IPO11: variants seen among roughly 807,000 people sequenced by gnomAD.
IPO11 encodes importin 11.
IPO11 carries 66 observed loss-of-function variants against 143.2 expected under a neutral mutation model. That is an observed-to-expected ratio of 0.46 (90% CI 0.38 to 0.57). The LOEUF (loss-of-function observed/expected upper bound fraction) is 0.57, where lower values mean the gene tolerates loss of function less well. IPO11 is among the 20% of genes least tolerant of loss of function. The pLI is 0.00. For missense variants in IPO11, 1,026 were observed against 1,141.0 expected (o/e 0.90, Z 1.45); for synonymous variants, 385 against 377.8 (o/e 1.02, Z -0.22).
chr5:62,489,150 T>C (rs1746515508), intron 13 of IPO11, 152 bp from the exon 14 acceptor site: 2 of 454,208 alleles, frequency 4.4e-6, no homozygotes, highest in South Asian at 4.5e-5. Flanking sequence ...AAACTTAGAC[T>C]TTCCCTTTGT....
chr5:62,596,859 T>G (rs557481743), intron 28 of IPO11, among the ~76,000 whole-genome samples: 49 of 152,300 alleles, frequency 3.2e-4, no homozygotes, highest in African/African-American at 1.1e-3. Context: ...ACACCAGCTT[T>G]CTCTCTTGTC....
intron 1 of IPO11, among the ~76,000 whole-genome samples, chr5:62,414,560 GCTGA>G (rs774225714): frequency 3.2e-4 from 48 of 152,250 alleles, no homozygotes; most frequent in African/African-American, 1.1e-3. Flanking sequence ...TGTTTGGTTT[GCTGA>G]CTATCAGACT....
intron 5 of IPO11, among the ~76,000 whole-genome samples, chr5:62,456,199 A>G (rs964626820): frequency 1.1e-4 from 17 of 151,786 alleles, no homozygotes; most frequent in African/African-American, 3.9e-4. Flanking sequence ...TTTGGTAGAG[A>G]TGGGGTTTTG....
chr5:62,458,608 G>A (rs1002396816), intron 5 of IPO11, among the ~76,000 whole-genome samples: 6 of 152,148 alleles, frequency 3.9e-5, no homozygotes, highest in Non-Finnish European at 8.8e-5. Flanking sequence ...GCCTATATTG[G>A]CTTTTTAAGT....
chr5:62,516,684 C>T (rs935189828), intron 20 of IPO11, among the ~76,000 whole-genome samples: 2 of 152,114 alleles, frequency 1.3e-5, no homozygotes, highest in Non-Finnish European at 2.9e-5. Context: ...TTTTAATGTA[C>T]ATTTCCCTGC....
intron 20 of IPO11, among the ~76,000 whole-genome samples, chr5:62,520,175 C>T (rs1476640931): frequency 6.6e-6 from 1 of 152,164 alleles, no homozygotes; most frequent in Non-Finnish European, 1.5e-5. Flanking sequence ...ATTATTTCTT[C>T]GCAGTAGTAC....
At position 62,470,816 on chromosome 5, in the gene IPO11, C is replaced by CTTTTTTTTTTTTTTTTTT. The variant is rs70981015; in HGVS notation, c.708+520_708+537dup. ...TTCATTGTCTGTAGATAGCCATCTT[C>CTTTTTTTTTTTTTTTTTT]TTTTTTTTTTTTTTTTTTTTTTTTT... On this transcript the variant is annotated intron_variant, in intron 7 of 29. Transcript: ENST00000325324. Among the ~76,000 whole-genome samples, 52 of 62,560 alleles carry CTTTTTTTTTTTTTTTTTT rather than the reference C, an allele frequency of 8.3e-4. 10 individuals are homozygous for CTTTTTTTTTTTTTTTTTT. The highest frequency in any genetic ancestry group is 2.1e-3 in the East Asian group (3 of 1,418). 41.0% of individuals were successfully genotyped at this position (62,560 alleles called of 152,430 possible).
intron 5 of IPO11, among the ~76,000 whole-genome samples, chr5:62,452,435 G>A (rs1053998100): frequency 6.6e-6 from 1 of 150,940 alleles, no homozygotes; most frequent in Non-Finnish European, 1.5e-5. Flanking sequence ...CTGAAGGCAA[G>A]GAGGTCAGTT....
intron 22 of IPO11, among the ~76,000 whole-genome samples, chr5:62,533,208 CTTTCTTCTTTTTT>C (rs1484942186): frequency 8.6e-6 from 1 of 116,582 alleles, no homozygotes; most frequent in Non-Finnish European, 1.7e-5. Flanking sequence ...TTCTTTCTTT[CTTTCTTCTTTTTT>C]TTTTTTTGAG....
chr5:62,560,945 A>C (rs1580325947), intron 26 of IPO11, 191 bp from the exon 27 acceptor site: 1 of 422,894 alleles, frequency 2.4e-6, no homozygotes, highest in East Asian at 3.9e-5. Flanking sequence ...GATTAATTAG[A>C]GTCAGTTTCT....
intron 27 of IPO11, among the ~76,000 whole-genome samples, chr5:62,583,208 T>C (rs1164099632): frequency 6.6e-6 from 1 of 152,188 alleles, no homozygotes; most frequent in Non-Finnish European, 1.5e-5. Flanking sequence ...AATCCAATTA[T>C]GTTTTTTCTT....
At chr5:62,602,063 A>G (rs1479361115) in intron 29 of IPO11, among the ~76,000 whole-genome samples, 3 of 152,182 alleles carry the variant, frequency 2.0e-5, no homozygotes, top group Non-Finnish European at 4.4e-5. Context: ...ACTGTTGCTT[A>G]TCTTAGTGCA....
intron 27 of IPO11, among the ~76,000 whole-genome samples, chr5:62,574,447 C>T (rs1188612540): frequency 1.3e-5 from 2 of 152,150 alleles, no homozygotes; most frequent in East Asian, 3.8e-4. Context: ...TAATATAGCT[C>T]AGATCTGAAC....
intron 19 of IPO11, among the ~76,000 whole-genome samples, chr5:62,513,450 G>C (rs1389119527): frequency 7.4e-6 from 1 of 134,980 alleles, no homozygotes; most frequent in African/African-American, 2.7e-5. Context: ...GGAGCGGCTG[G>C]CTGGGCAGAG....
intron 28 of IPO11, among the ~76,000 whole-genome samples, chr5:62,596,261 C>A: frequency 3.6e-5 from 2 of 55,512 alleles, no homozygotes. Context: ...AGACCAAGGC[C>A]CTGTCTCAAA....
intron 5 of IPO11, among the ~76,000 whole-genome samples, chr5:62,452,504 A>T: frequency 6.6e-6 from 1 of 151,056 alleles, no homozygotes; most frequent in Admixed American, 6.6e-5. Flanking sequence ...GCTGTAGTAA[A>T]GGGAACAATT....
intron 24 of IPO11, among the ~76,000 whole-genome samples, chr5:62,546,361 C>T (rs1179158608): frequency 6.6e-6 from 1 of 152,152 alleles, no homozygotes; most frequent in East Asian, 1.9e-4. Context: ...GAACACCAAA[C>T]ACCACATGTT....
chr5:62,576,278 C>T, intron 27 of IPO11: 1 of 153,856 alleles, frequency 6.5e-6, no homozygotes. Flanking sequence ...AAATACTTGC[C>T]TTTTAGAAGT....
chr5:62,497,189 G>A (rs895567496), intron 16 of IPO11, among the ~76,000 whole-genome samples: 1 of 152,156 alleles, frequency 6.6e-6, no homozygotes, highest in Non-Finnish European at 1.5e-5. Flanking sequence ...AGTAGAAGTA[G>A]CTGTCAATTT....
Sources: allele counts gnomAD v4.1 joint callset (sites outside exome capture counted in the v4.1 genomes callset), GRCh38; gene constraint gnomAD v4.1.1; transcripts MANE v1.5; gene names NCBI Gene and HGNC (gene_info 2026-07-23, HGNC 2026-07-21).